PDPR: variants seen among roughly 807,000 people sequenced by gnomAD.
PDPR encodes pyruvate dehydrogenase phosphatase regulatory subunit.
A neutral mutation model predicts 102.2 loss-of-function variants in PDPR; 50 were observed. That is an observed-to-expected ratio of 0.49 (90% CI 0.39 to 0.62). The LOEUF (loss-of-function observed/expected upper bound fraction) is 0.62. PDPR is among the 20% of genes least tolerant of loss of function. PDPR has a pLI of 0.00. For synonymous variants in PDPR, 259 were observed against 406.0 expected (o/e 0.64, Z 4.35); for missense variants, 625 against 1,098.2 (o/e 0.57, Z 6.09).
chr16:70,136,369 T>G lies in PDPR; in HGVS notation c.1173T>G (p.Phe391Leu). 6.2e-7 allele frequency: 1 copy of G among 1,611,030 alleles called. No individual in the cohort carries two copies. Among genetic ancestry groups the G allele is most frequent in the Non-Finnish European group, 8.5e-7 (1 of 1,178,580 alleles). The change falls in exon 10 of 19, where the codon TTT (phenylalanine) becomes TTG (leucine). Residue 391 changes from phenylalanine to leucine, a missense_variant. This residue lies in a region of PDPR where 10 missense variants were observed against 80.4 expected (regional missense o/e 0.12). Coordinates refer to ENST00000288050, the MANE Select transcript of PDPR (RefSeq NM_017990.5). The part of the protein sequence containing the change: ...LAGMNSAGLS[F>L]GGGAGKYLAE... ...GAATGAACTCTGCTGGCCTTTCATT[T>G]GGTGGAGGAGCCGGAAAGTAAGTCT...
chr16:70,153,653 G>T (rs1567562141), intron 18 of PDPR, 80 bp downstream of exon 18: 1 of 1,393,548 alleles, frequency 7.2e-7, no homozygotes. Context: ...AAGAACTGAT[G>T]TGACAGGAAA....
At chr16:70,146,313 G>T in intron 16 of PDPR, 85 bp downstream of exon 16, 4 of 1,599,984 alleles carry the variant, frequency 2.5e-6, no homozygotes, top group Non-Finnish European at 3.4e-6. Flanking sequence ...TTACTATGGT[G>T]TTAGCACCCA....
intron 16 of PDPR, 125 bp from the exon 17 acceptor site, chr16:70,148,339 G>C: frequency 1.3e-6 from 1 of 789,426 alleles, no homozygotes; most frequent in Non-Finnish European, 2.2e-6. Context: ...TGAAATTCTT[G>C]CCTTGACGTC....
At position 70,156,462 on chromosome 16, in the gene PDPR, C is replaced by A. The variant is rs1183176070; in HGVS notation, c.2236-13C>A. 5 of 1,611,870 alleles carry A rather than the reference C, an allele frequency of 3.1e-6. No individual in the cohort carries two copies. The highest frequency in any genetic ancestry group is 1.1e-5 in the South Asian group (1 of 90,994). On this transcript the variant is annotated splice_polypyrimidine_tract_variant and intron_variant, in intron 18 of 18. Coordinates refer to ENST00000288050, the MANE Select transcript of PDPR (RefSeq NM_017990.5). Reference sequence around the variant, plus strand: ...GTGTCGCTGGATGACTCGGCGTTTCCTTTCTTTCTTAGGGCATGGATTTCA... The same window carrying A: ...GTGTCGCTGGATGACTCGGCGTTTCATTTCTTTCTTAGGGCATGGATTTCA...
intron 17 of PDPR, among the ~76,000 whole-genome samples, chr16:70,152,987 G>A (rs1245759496): frequency 6.6e-6 from 1 of 152,294 alleles, no homozygotes; most frequent in African/African-American, 2.4e-5. Context: ...AACAGTGGTT[G>A]GGAAATTGGA....
chr16:70,135,586 T>G (rs897793607), intron 9 of PDPR, among the ~76,000 whole-genome samples: 785 of 152,036 alleles, frequency 5.2e-3, no homozygotes, highest in African/African-American at 0.018. Context: ...TTAAGAGCTT[T>G]TCCACTCACA....
chr16:70,144,939 G>A (rs1966097438), intron 15 of PDPR, among the ~76,000 whole-genome samples: 2 of 144,802 alleles, frequency 1.4e-5, no homozygotes, highest in South Asian at 4.4e-4. Context: ...CTAGGCGAGT[G>A]AGACTCCATC....
At chr16:70,143,895 CTTT>C (rs1256055451) in intron 14 of PDPR, among the ~76,000 whole-genome samples, 3 of 147,502 alleles carry the variant, frequency 2.0e-5, no homozygotes, top group Admixed American at 6.8e-5. Flanking sequence ...TGTCTTTTTT[CTTT>C]TTTTTTTTTT....
intron 3 of PDPR, among the ~76,000 whole-genome samples, chr16:70,126,265 G>A (rs1439394711): frequency 6.6e-6 from 1 of 152,284 alleles, no homozygotes; most frequent in African/African-American, 2.4e-5. Flanking sequence ...AGTCTGAAGT[G>A]TAGTGGCACA....
chr16:70,161,655 C>T lies in PDPR; in HGVS notation c.*4776C>T, dbSNP rs11643801. 20,806 of 146,192 alleles carry T rather than the reference C, an allele frequency of 0.14. 3 individuals are homozygous for T. Among genetic ancestry groups the T allele is most frequent in the African/African-American group, 0.15 (5,983 of 40,172 alleles). The allele number at this position is 146,192 out of a possible 1,614,324, so 9.1% of individuals were successfully genotyped here. On this transcript the variant is annotated 3_prime_UTR_variant, in exon 19 of 19. Transcript: ENST00000288050. ...GCTCCTCCATTGTCAGTACAGGGCTCGCCTTTGTAGCCCTGATCACTACCA... is the reference window on the plus strand; with the variant it reads ...GCTCCTCCATTGTCAGTACAGGGCTTGCCTTTGTAGCCCTGATCACTACCA...
intron 10 of PDPR, among the ~76,000 whole-genome samples, chr16:70,137,247 T>C (rs1474582480): frequency 6.6e-6 from 1 of 152,060 alleles, no homozygotes; most frequent in African/African-American, 2.4e-5. Context: ...TCCCAGCTAC[T>C]CGGGAGGCTG....
chr16:70,156,024 G>C (rs1967136590), intron 18 of PDPR, among the ~76,000 whole-genome samples: 1 of 152,176 alleles, frequency 6.6e-6, no homozygotes, highest in South Asian at 2.1e-4. Context: ...CAAGTAGCTA[G>C]AACTATAGGC....
At chr16:70,118,787 C>T (rs1962915438) in intron 2 of PDPR, among the ~76,000 whole-genome samples, 1 of 152,084 alleles carries the variant, frequency 6.6e-6, no homozygotes, top group Non-Finnish European at 1.5e-5. Flanking sequence ...TTAACAGGGA[C>T]CAGGGATGAG....
rs1189662787 is a variant in PDPR, at chr16:70,158,596, G to T, written c.*1717G>T. On this transcript the variant is annotated 3_prime_UTR_variant, in exon 19 of 19. Coordinates refer to ENST00000288050, the MANE Select transcript of PDPR (RefSeq NM_017990.5). ...GAAGGTTCTGGTTGGCTTGTTAGAG[G>T]AGCATATGATTAGAATTCTGTTTGG... The T allele has an allele frequency of 6.5e-6, 1 of 152,834 alleles. No individual in the cohort carries two copies. Among genetic ancestry groups the T allele is most frequent in the Non-Finnish European group, 1.5e-5 (1 of 68,412 alleles). The allele number at this position is 152,834 out of a possible 1,614,324, so 9.5% of individuals were successfully genotyped here. A position where few individuals can be genotyped will look rare whatever the true frequency, so the allele number is the denominator to read the frequency against.
chr16:70,126,717 A>G (rs4985402), intron 3 of PDPR, among the ~76,000 whole-genome samples: 1 of 152,006 alleles, frequency 6.6e-6, no homozygotes, highest in Non-Finnish European at 1.5e-5. Flanking sequence ...GTAGAGACAC[A>G]GTCTGGCTAT....
At position 70,158,315 on chromosome 16, in the gene PDPR, CATTTTGGT is replaced by C. The variant is rs1244416893; in HGVS notation, c.*1437_*1444del. 6.6e-6 allele frequency: 1 copy of C among 152,494 alleles called. No individual in the cohort carries two copies. Among genetic ancestry groups the C allele is most frequent in the East Asian group, 1.9e-4 (1 of 5,204 alleles). 9.4% of individuals were successfully genotyped at this position (152,494 alleles called of 1,614,324 possible). ...TAAGTGCAAATAAACTGCTATAAGACATTTTGGTTAGTAAAACTCTAGCCTTTGGCGTG... is the reference window on the plus strand; with the variant it reads ...TAAGTGCAAATAAACTGCTATAAGACTAGTAAAACTCTAGCCTTTGGCGTG... On this transcript the variant is annotated 3_prime_UTR_variant, in exon 19 of 19. Transcript: ENST00000288050.
Position 70,157,058 on chromosome 16 carries a change from T to G in PDPR, c.*179T>G, listed in dbSNP as rs746262094. 5.7e-6 allele frequency: 5 copies of G among 881,058 alleles called. No individual in the cohort carries two copies. The South Asian group carries it at 7.2e-5, about 13-fold the overall frequency. The allele number at this position is 881,058 out of a possible 1,614,324, so 54.6% of individuals were successfully genotyped here. Reference sequence around the variant, plus strand: ...AACTTTTTTGCTCTGCAGCCTTCCTTGCCCTTCCACCTCCTCCTCCTAATA... The same window carrying G: ...AACTTTTTTGCTCTGCAGCCTTCCTGGCCCTTCCACCTCCTCCTCCTAATA... On this transcript the variant is annotated 3_prime_UTR_variant, in exon 19 of 19. Transcript: ENST00000288050.
chr16:70,147,354 T>C (rs1347159836), intron 16 of PDPR, among the ~76,000 whole-genome samples: 2 of 152,266 alleles, frequency 1.3e-5, no homozygotes, highest in Admixed American at 1.3e-4. Context: ...TCTGTAGCAC[T>C]GGATTAAAAT....
chr16:70,142,553 A>G lies in PDPR; in HGVS notation c.1472A>G (p.Asp491Gly). The stretch of plus-strand genomic sequence containing the variant: ...GCCTTGTGATTTTTCCATTCCGTAG[A>G]CCTCCTGGCATTGGAGCAGAGCAAG... The part of the protein sequence containing the change: ...RPKYFVPPDK[D>G]LLALEQSKTF... The change falls in exon 13 of 19, where the codon GAC becomes GGC. Residue 491 changes from aspartate (D) to glycine (G), a missense_variant and splice_region_variant. By Grantham distance (94) the Asp-to-Gly change is moderately conservative. This residue lies in a region of PDPR where 34 missense variants were observed against 76.6 expected (regional missense o/e 0.44). Transcript: ENST00000288050. 6.2e-7 allele frequency: 1 copy of G among 1,613,658 alleles called. No individual in the cohort carries two copies. Among genetic ancestry groups the G allele is most frequent in the Non-Finnish European group, 8.5e-7 (1 of 1,179,736 alleles).
Sources: allele counts gnomAD v4.1 joint callset (sites outside exome capture counted in the v4.1 genomes callset), GRCh38; gene constraint gnomAD v4.1.1; regional missense constraint gnomAD v4.1.1; transcripts MANE v1.5; gene names NCBI Gene and HGNC (gene_info 2026-07-23, HGNC 2026-07-21).